Variants in SUMF1 observed in about 807,000 individuals in gnomAD.
The protein encoded by SUMF1 is sulfatase modifying factor 1.
SUMF1 carries 48 observed loss-of-function variants against 47.6 expected under a neutral mutation model. That is an observed-to-expected ratio of 1.01 (90% CI 0.80 to 1.28). The LOEUF is 1.28. Ranked by LOEUF, SUMF1 falls within the 50% of genes most tolerant of loss-of-function variation. The pLI, the probability that SUMF1 is intolerant of heterozygous loss-of-function variation, is 0.00. For synonymous variants in SUMF1, 230 were observed against 192.1 expected (o/e 1.20, Z -1.63); for missense variants, 571 against 485.4 (o/e 1.18, Z -1.66).
intron 8 of SUMF1, among the ~76,000 whole-genome samples, chr3:4,309,020 G>C (rs1003703248): frequency 6.6e-6 from 1 of 152,168 alleles, no homozygotes; most frequent in African/African-American, 2.4e-5. Context: ...ACGTACATTG[G>C]TTCAGTCCAG....
Position 4,161,966 on chromosome 3 carries a change from T to C in SUMF1, c.1015-93221A>G, listed in dbSNP as rs139144462. 2.3e-3 allele frequency among the ~76,000 whole-genome samples: 343 copies of C among 152,200 alleles called. 2 individuals carry two copies. Among genetic ancestry groups the C allele is most frequent in the African/African-American group, 7.7e-3 (318 of 41,518 alleles). On this transcript the variant is annotated intron_variant and NMD_transcript_variant, in intron 8 of 12. Transcript: ENST00000448413. ...TTTCACCCAAGGCCCACAGCATGTA[T>C]TACCGGGCTACCACTGCTGATTTTT...
intron 8 of SUMF1, chr3:4,317,523 AATAATTTTTTAAAAAAAGATTAAAAC>A (rs1698713003): frequency 8.6e-6 from 2 of 231,274 alleles, no homozygotes; most frequent in South Asian, 2.6e-4. Context: ...ACTCTAATAA[AATAATTTTTTAAAAAAAGATTAAAAC>A]ATGTACCTTG....
intron 8 of SUMF1, among the ~76,000 whole-genome samples, chr3:4,365,969 C>T (rs552009190): frequency 6.6e-6 from 1 of 152,130 alleles, no homozygotes; most frequent in South Asian, 2.1e-4. Flanking sequence ...TTCTCCTTCA[C>T]TTATGAAGCT....
At chr3:4,213,389 C>A (rs754863836) in intron 8 of SUMF1, among the ~76,000 whole-genome samples, 7 of 152,062 alleles carry the variant, frequency 4.6e-5, no homozygotes, top group Non-Finnish European at 8.8e-5. Flanking sequence ...ACCAGGCCTG[C>A]GTTACAAGAG....
At chr3:4,054,010 C>T (rs780340454) in intron 9 of SUMF1, among the ~76,000 whole-genome samples, 2 of 151,998 alleles carry the variant, frequency 1.3e-5, no homozygotes, top group African/African-American at 2.4e-5. Flanking sequence ...TCACAAAACT[C>T]GTCTCTACCA....
chr3:4,172,888 T>C (rs1445187804), intron 8 of SUMF1, among the ~76,000 whole-genome samples: 1 of 152,228 alleles, frequency 6.6e-6, no homozygotes, highest in Non-Finnish European at 1.5e-5. Context: ...TTGGCTTCTG[T>C]TGCCATTGCT....
intron 8 of SUMF1, among the ~76,000 whole-genome samples, chr3:4,325,770 T>G (rs958966943): frequency 1.3e-5 from 2 of 152,114 alleles, no homozygotes; most frequent in Non-Finnish European, 2.9e-5. Context: ...TTAATGTTAG[T>G]TTGGAAACAT....
At chr3:4,420,691 C>T (rs570250477) in intron 3 of SUMF1, among the ~76,000 whole-genome samples, 26 of 152,064 alleles carry the variant, frequency 1.7e-4, no homozygotes, top group African/African-American at 5.3e-4. Context: ...CCACCACACC[C>T]GGCCTCTGTA....
chr3:4,252,518 G>C (rs1273268220), intron 8 of SUMF1, among the ~76,000 whole-genome samples: 1 of 152,118 alleles, frequency 6.6e-6, no homozygotes, highest in Non-Finnish European at 1.5e-5. Flanking sequence ...AACCCTGAGT[G>C]GCAAAAGTAG....
chr3:4,374,620 T>G (rs1170807742), intron 8 of SUMF1, among the ~76,000 whole-genome samples: 1 of 152,156 alleles, frequency 6.6e-6, no homozygotes, highest in Admixed American at 6.6e-5. Flanking sequence ...GTAAATGGAT[T>G]CTGAATTTAG....
intron 8 of SUMF1, among the ~76,000 whole-genome samples, chr3:4,190,872 T>C (rs891768466): frequency 1.3e-5 from 2 of 152,150 alleles, no homozygotes; most frequent in African/African-American, 4.8e-5. Context: ...GGGTCTACTA[T>C]GTCCCCACTA....
chr3:4,435,921 C>G (rs542714487), intron 3 of SUMF1, among the ~76,000 whole-genome samples: 1 of 152,240 alleles, frequency 6.6e-6, no homozygotes, highest in Admixed American at 6.5e-5. Flanking sequence ...AAACATGGAA[C>G]TTTAGGAATG....
At chr3:4,461,297 C>G (rs191735506) in intron 1 of SUMF1, among the ~76,000 whole-genome samples, 5 of 152,174 alleles carry the variant, frequency 3.3e-5, no homozygotes, top group African/African-American at 1.2e-4. Context: ...ATAACCCAGT[C>G]CTAAAAGGAG....
intron 8 of SUMF1, among the ~76,000 whole-genome samples, chr3:4,349,102 T>C (rs1360657365): frequency 1.3e-5 from 2 of 152,122 alleles, no homozygotes; most frequent in Non-Finnish European, 2.9e-5. Context: ...AATCTACCCA[T>C]CTGACAAAGG....
intron 3 of SUMF1, among the ~76,000 whole-genome samples, chr3:4,444,865 T>C (rs1034470948): frequency 6.6e-5 from 10 of 152,310 alleles, no homozygotes; most frequent in African/African-American, 2.2e-4. Context: ...TGTTTTCTAC[T>C]ACAAGATACT....
At chr3:4,389,653 T>C (rs992413352) in intron 7 of SUMF1, among the ~76,000 whole-genome samples, 7 of 152,212 alleles carry the variant, frequency 4.6e-5, no homozygotes, top group African/African-American at 1.7e-4. Context: ...TTTCTTCATT[T>C]ACTGTTTTCT....
chr3:4,101,677 G>A (rs902915515), intron 8 of SUMF1, among the ~76,000 whole-genome samples: 1 of 152,128 alleles, frequency 6.6e-6, no homozygotes, highest in Admixed American at 6.6e-5. Flanking sequence ...ATAACTATTT[G>A]AAGTGACAGA....
intron 8 of SUMF1, among the ~76,000 whole-genome samples, chr3:4,104,101 G>C (rs1693100879): frequency 6.6e-6 from 1 of 152,102 alleles, no homozygotes; most frequent in African/African-American, 2.4e-5. Context: ...ATCTTGAATT[G>C]TAGCTCCCAT....
chr3:4,328,272 A>T (rs1273726028), intron 8 of SUMF1, among the ~76,000 whole-genome samples: 1 of 152,106 alleles, frequency 6.6e-6, no homozygotes, highest in Non-Finnish European at 1.5e-5. Context: ...TTATTAAATA[A>T]ATTAAGCAAA....
Sources: allele counts gnomAD v4.1 joint callset (sites outside exome capture counted in the v4.1 genomes callset), GRCh38; gene constraint gnomAD v4.1.1; transcripts MANE v1.5; gene names NCBI Gene and HGNC (gene_info 2026-07-23, HGNC 2026-07-21).